DLG2: variants seen among roughly 807,000 people sequenced by gnomAD.
DLG2 encodes disks large homolog 2.
Under a neutral mutation model 132.5 loss-of-function variants are expected in DLG2, and 45 were observed. The ratio of observed to expected loss-of-function variants is 0.34; its 90% CI spans 0.27 to 0.44. The LOEUF (loss-of-function observed/expected upper bound fraction) is 0.44. DLG2 is among the 20% of genes least tolerant of loss of function. The pLI is 1.00. For synonymous variants in DLG2, 424 were observed against 419.6 expected (o/e 1.01, Z -0.13); for missense variants, 1,045 against 1,196.9 (o/e 0.87, Z 1.87).
At chr11:85,307,266 A>C (rs575282651) in intron 3 of DLG2, among the ~76,000 whole-genome samples, 2 of 152,366 alleles carry the variant, frequency 1.3e-5, no homozygotes, top group African/African-American at 4.8e-5. Context: ...AATTAAAAGT[A>C]CATAAAACAG....
intron 4 of DLG2, among the ~76,000 whole-genome samples, chr11:85,248,145 A>C (rs2076226961): frequency 1.3e-5 from 2 of 152,112 alleles, no homozygotes; most frequent in African/African-American, 4.8e-5. Flanking sequence ...GTCTCACTGA[A>C]CCACGTGAGA....
intron 5 of DLG2, among the ~76,000 whole-genome samples, chr11:85,151,813 G>T (rs996223187): frequency 6.6e-6 from 1 of 152,120 alleles, no homozygotes; most frequent in South Asian, 2.1e-4. Flanking sequence ...TTGAAATCAG[G>T]ATGTCTGAGG....
At chr11:84,181,309 T>C (rs1411118136) in intron 8 of DLG2, among the ~76,000 whole-genome samples, 1 of 151,842 alleles carries the variant, frequency 6.6e-6, no homozygotes, top group Non-Finnish European at 1.5e-5. Flanking sequence ...AAATGTGTAG[T>C]GCAAATTCTA....
At chr11:84,716,903 G>A (rs867063632) in intron 6 of DLG2, among the ~76,000 whole-genome samples, 14 of 152,058 alleles carry the variant, frequency 9.2e-5, no homozygotes, top group Admixed American at 2.6e-4. Flanking sequence ...TTGTACTTAC[G>A]TTTGTATCTC....
At chr11:84,048,478 G>A (rs79310904) in intron 11 of DLG2, among the ~76,000 whole-genome samples, 6,330 of 151,650 alleles carry the variant, frequency 0.042, 388 homozygotes, top group African/African-American at 0.13. Context: ...GTTCCAGCAT[G>A]GCCTTTCACC....
chr11:85,106,572 T>G (rs1293095438), intron 6 of DLG2, among the ~76,000 whole-genome samples: 17 of 151,996 alleles, frequency 1.1e-4, no homozygotes, highest in Admixed American at 1.1e-3. Flanking sequence ...ATGCACTCCC[T>G]TCTGGAATGA....
At chr11:85,485,502 C>T (rs905029046) in intron 3 of DLG2, among the ~76,000 whole-genome samples, 1 of 152,112 alleles carries the variant, frequency 6.6e-6, no homozygotes, top group Non-Finnish European at 1.5e-5. Context: ...TAAATAAACA[C>T]TTTGAATAGA....
chr11:84,144,814 C>T (rs2095009379), intron 9 of DLG2, among the ~76,000 whole-genome samples: 1 of 152,148 alleles, frequency 6.6e-6, no homozygotes, highest in African/African-American at 2.4e-5. Context: ...CTAGGAATGA[C>T]TGAAGTTATA....
At chr11:85,031,186 T>C (rs2060972789) in intron 6 of DLG2, among the ~76,000 whole-genome samples, 2 of 152,092 alleles carry the variant, frequency 1.3e-5, no homozygotes, top group Admixed American at 6.5e-5. Flanking sequence ...GTTTTGCTTC[T>C]GTGAGTTTTT....
intron 7 of DLG2, among the ~76,000 whole-genome samples, chr11:84,382,392 A>C (rs1207405616): frequency 6.6e-6 from 1 of 152,152 alleles, no homozygotes; most frequent in Non-Finnish European, 1.5e-5. Flanking sequence ...TTATTCCAGC[A>C]TAAAATCTTT....
At chr11:84,829,126 T>C (rs2078700992) in intron 6 of DLG2, among the ~76,000 whole-genome samples, 1 of 151,678 alleles carries the variant, frequency 6.6e-6, no homozygotes, top group Non-Finnish European at 1.5e-5. Flanking sequence ...AATAATGATA[T>C]ATAATCTTAT....
intron 6 of DLG2, among the ~76,000 whole-genome samples, chr11:84,569,867 G>A (rs1023892892): frequency 1.3e-5 from 2 of 152,120 alleles, no homozygotes; most frequent in African/African-American, 4.8e-5. Context: ...CTGGACACCT[G>A]GGCTTTGCTG....
At chr11:84,190,430 C>T (rs977735933) in intron 8 of DLG2, among the ~76,000 whole-genome samples, 5 of 152,146 alleles carry the variant, frequency 3.3e-5, no homozygotes, top group African/African-American at 7.2e-5. Flanking sequence ...AGTGAAAACA[C>T]GCATTACTGG....
intron 18 of DLG2, among the ~76,000 whole-genome samples, chr11:83,746,495 C>G (rs541423764): frequency 6.6e-6 from 1 of 152,016 alleles, no homozygotes; most frequent in Admixed American, 6.5e-5. Flanking sequence ...CCAAACACCG[C>G]ACGTTCTCAC....
chr11:84,806,128 T>C (rs2075970294), intron 6 of DLG2, among the ~76,000 whole-genome samples: 1 of 151,920 alleles, frequency 6.6e-6, no homozygotes, highest in Non-Finnish European at 1.5e-5. Flanking sequence ...TAAAGCAATA[T>C]GAATTAAAAC....
At chr11:83,481,544 T>C (rs1591572178) in intron 22 of DLG2, among the ~76,000 whole-genome samples, 1 of 152,036 alleles carries the variant, frequency 6.6e-6, no homozygotes, top group East Asian at 1.9e-4. Flanking sequence ...GCCAATTGGA[T>C]AGAGTAGTTT....
chr11:84,785,544 A>T (rs941635671), intron 6 of DLG2, among the ~76,000 whole-genome samples: 1 of 152,130 alleles, frequency 6.6e-6, no homozygotes, highest in East Asian at 1.9e-4. Flanking sequence ...TTGATTAGGT[A>T]CAAGACCACT....
intron 19 of DLG2, among the ~76,000 whole-genome samples, chr11:83,577,525 TAGTC>T (rs1456870764): frequency 1.5e-4 from 17 of 116,946 alleles, no homozygotes; most frequent in East Asian, 1.1e-3. Context: ...ATATATGTAT[TAGTC>T]AGGGTTCCCT....
intron 22 of DLG2, chr11:83,483,368 G>T: frequency 1.6e-6 from 2 of 1,249,874 alleles, no homozygotes; most frequent in Non-Finnish European, 2.4e-6. Context: ...GAAGAAGTCA[G>T]TGGAGTTGAA....
Sources: allele counts gnomAD v4.1 joint callset (sites outside exome capture counted in the v4.1 genomes callset), GRCh38; gene constraint gnomAD v4.1.1; transcripts MANE v1.5; gene names NCBI Gene and HGNC (gene_info 2026-07-23, HGNC 2026-07-21).